Variants in UBE2V2 observed in about 807,000 individuals in gnomAD.
UBE2V2 encodes the protein ubiquitin-conjugating enzyme E2 variant 2.
Under a neutral mutation model 17.2 loss-of-function variants are expected in UBE2V2, and 9 were observed. The ratio of observed to expected loss-of-function variants is 0.52; its 90% CI spans 0.32 to 0.91. The LOEUF (loss-of-function observed/expected upper bound fraction) is 0.91, where lower values mean the gene tolerates loss of function less well. Ranked by LOEUF, UBE2V2 falls within the 40% of genes least tolerant of loss-of-function variation. UBE2V2 has a pLI of 0.04. For missense variants in UBE2V2, 133 were observed against 182.6 expected (o/e 0.73, Z 1.56); for synonymous variants, 61 against 57.5 (o/e 1.06, Z -0.28).
chr8:48,024,285 C>G lies in UBE2V2; in HGVS notation c.16+15815C>G, dbSNP rs749745947. Among the ~76,000 whole-genome samples the G allele has an allele frequency of 2.0e-5, 3 of 152,068 alleles. No homozygotes were observed. The South Asian group carries it at 6.2e-4, about 32-fold the overall frequency. On this transcript the variant is annotated intron_variant, in intron 1 of 3. Transcript: ENST00000523111. Reference sequence around the variant, plus strand: ...GGATTTTTTAGCTAGATGTTGAGTCCAGAGCTGGTATCTTGATTTAAGACT... The same window carrying G: ...GGATTTTTTAGCTAGATGTTGAGTCGAGAGCTGGTATCTTGATTTAAGACT...
chr8:48,006,147 G>C (rs1375185689), upstream of UBE2V2, among the ~76,000 whole-genome samples: 1 of 152,120 alleles, frequency 6.6e-6, no homozygotes. Context: ...ATGGTTTTAG[G>C]TCTTACGTTT....
chr8:48,004,488 T>C (rs1434975899), upstream of UBE2V2, among the ~76,000 whole-genome samples: 2 of 151,910 alleles, frequency 1.3e-5, no homozygotes, highest in Non-Finnish European at 2.9e-5. Flanking sequence ...TAGTATATTA[T>C]GATTCTTCTT....
chr8:48,052,758 A>G (rs1240307612), intron 3 of UBE2V2, among the ~76,000 whole-genome samples: 1 of 152,090 alleles, frequency 6.6e-6, no homozygotes, highest in Non-Finnish European at 1.5e-5. Context: ...CTCAGCATGC[A>G]TGCTTCTTGC....
upstream of UBE2V2, among the ~76,000 whole-genome samples, chr8:48,004,758 C>T (rs577904529): frequency 1.3e-4 from 20 of 151,890 alleles, no homozygotes; most frequent in African/African-American, 1.2e-4. Flanking sequence ...ATTGAATTCC[C>T]GACCTTGTGA....
chr8:48,050,348 C>G (rs965426819), intron 3 of UBE2V2: 1 of 153,268 alleles, frequency 6.5e-6, no homozygotes, highest in African/African-American at 2.4e-5. Context: ...GATTCTCCTG[C>G]CTCAACCTCC....
At chr8:48,051,572 A>AT (rs1244368434) in intron 3 of UBE2V2, among the ~76,000 whole-genome samples, 1 of 152,168 alleles carries the variant, frequency 6.6e-6, no homozygotes, top group African/African-American at 2.4e-5. Flanking sequence ...TTCTAAAACT[A>AT]TAGGGTTTGT....
intron 2 of UBE2V2, among the ~76,000 whole-genome samples, chr8:48,045,159 C>A (rs537093288): frequency 2.0e-5 from 3 of 152,188 alleles, no homozygotes. Flanking sequence ...GGTTTTGGAG[C>A]TGCAGGAGAG....
intron 1 of UBE2V2, among the ~76,000 whole-genome samples, chr8:48,014,894 C>T (rs2091258106): frequency 6.6e-6 from 1 of 150,464 alleles, no homozygotes; most frequent in African/African-American, 2.4e-5. Context: ...ACCAAAAATA[C>T]AAAAAACTAG....
chr8:48,050,688 CAAA>C (rs796549178), intron 3 of UBE2V2, among the ~76,000 whole-genome samples: 7 of 61,810 alleles, frequency 1.1e-4, no homozygotes, highest in Non-Finnish European at 6.7e-5. Context: ...AACTCCGTCT[CAAA>C]AAAAAAAAAA....
chr8:48,049,657 A>G (rs2091521910), intron 2 of UBE2V2, 196 bp from the exon 3 acceptor site: 1 of 387,214 alleles, frequency 2.6e-6, no homozygotes, highest in South Asian at 7.1e-5. Context: ...GTAAAATCTC[A>G]ATTTTTAAGT....
At chr8:48,022,490 G>C (rs548987629) in intron 1 of UBE2V2, among the ~76,000 whole-genome samples, 1 of 152,228 alleles carries the variant, frequency 6.6e-6, no homozygotes, top group South Asian at 2.1e-4. Flanking sequence ...ACTTTCAATA[G>C]TTTTGTCTTT....
rs1198027016 is a variant in UBE2V2 at position 48,021,015 on chromosome 8, G to C, written c.16+12545G>C. The stretch of plus-strand genomic sequence containing the variant: ...TCCCACCTTGGGCTCCAGAGCACTG[G>C]GGTTTCAGGCATGATCCACTCTGCT... On this transcript the variant is annotated intron_variant, in intron 1 of 3. Transcript: ENST00000523111. Among the ~76,000 whole-genome samples, 3 of 151,796 alleles carry C rather than the reference G, an allele frequency of 2.0e-5. No individual in the cohort carries two copies. In the East Asian group the frequency reaches 5.8e-4, roughly 29 times the overall value.
At chr8:48,038,509 C>T (rs866618458) in intron 1 of UBE2V2, among the ~76,000 whole-genome samples, 7 of 150,642 alleles carry the variant, frequency 4.6e-5, no homozygotes, top group South Asian at 4.2e-4. Flanking sequence ...GACAGAGTTT[C>T]GCTCTGTCTC....
chr8:48,048,567 A>G (rs2091515411), intron 2 of UBE2V2, among the ~76,000 whole-genome samples: 1 of 152,218 alleles, frequency 6.6e-6, no homozygotes, highest in Non-Finnish European at 1.5e-5. Flanking sequence ...ATTTTTATAT[A>G]TTGAAAGTGC....
rs937612084 is a variant in UBE2V2, at chr8:48,063,361, T to A, written c.*2533T>A. Reference sequence around the variant, plus strand: ...AGAGGAATTAATATAGAAAAGCTCTTAATTATAATAACATTTGGAAGAAAT... The same window carrying A: ...AGAGGAATTAATATAGAAAAGCTCTAAATTATAATAACATTTGGAAGAAAT... On this transcript the variant is annotated 3_prime_UTR_variant, in exon 4 of 4. Coordinates refer to ENST00000523111, the MANE Select transcript of UBE2V2 (RefSeq NM_003350.3). 2.6e-5 allele frequency: 4 copies of A among 152,188 alleles called. No homozygotes were observed. The highest frequency in any genetic ancestry group is 4.4e-5 in the Non-Finnish European group (3 of 68,010). 9.4% of individuals were successfully genotyped at this position (152,188 alleles called of 1,614,324 possible).
intron 3 of UBE2V2, among the ~76,000 whole-genome samples, chr8:48,058,372 G>A (rs1031442175): frequency 2.6e-5 from 4 of 151,974 alleles, no homozygotes; most frequent in Admixed American, 2.6e-4. Flanking sequence ...GGAGGCTGAG[G>A]CAGGAGAATC....
chr8:48,007,058 T>A (rs917770223), upstream of UBE2V2, among the ~76,000 whole-genome samples: 33 of 144,074 alleles, frequency 2.3e-4, no homozygotes, highest in Admixed American at 2.1e-4. Flanking sequence ...TTTTTTGTAT[T>A]TTTTTTTTTT....
intron 1 of UBE2V2, among the ~76,000 whole-genome samples, chr8:48,029,783 T>G (rs2154507284): frequency 6.6e-6 from 1 of 152,334 alleles, no homozygotes; most frequent in South Asian, 2.1e-4. Flanking sequence ...TTCTCAAGTT[T>G]TTACCTCATA....
chr8:48,060,169 C>G lies in UBE2V2; in HGVS notation c.292-513C>G, dbSNP rs375802360. Among the ~76,000 whole-genome samples, 552 of 141,164 alleles carry G rather than the reference C, an allele frequency of 3.9e-3. 5 individuals are homozygous for G. The highest frequency in any genetic ancestry group is 0.025 in the South Asian group (109 of 4,438). 92.6% of individuals were successfully genotyped at this position (141,164 alleles called of 152,430 possible). A position where few individuals can be genotyped will look rare whatever the true frequency, so the allele number is the denominator to read the frequency against. ...AAGTTGCAGTGAGCCAGGATCGCAC[C>G]ACTGTACTCCAGCCTGGGTGACAGA... On this transcript the variant is annotated intron_variant, in intron 3 of 3. Transcript: ENST00000523111.
Sources: gnomAD v4.1 joint callset for allele counts (sites outside exome capture counted in the v4.1 genomes callset) on GRCh38, gnomAD v4.1.1 for gene constraint, MANE v1.5 for transcripts, NCBI Gene and HGNC (gene_info 2026-07-23, HGNC 2026-07-21) for gene names.